SCHIP1: variants seen among roughly 807,000 people sequenced by gnomAD.
SCHIP1 encodes schwannomin interacting protein 1.
A neutral mutation model predicts 29.7 loss-of-function variants in SCHIP1; 8 were observed. The ratio of observed to expected loss-of-function variants is 0.27; its 90% confidence interval spans 0.16 to 0.49. The LOEUF (loss-of-function observed/expected upper bound fraction) is 0.49. Ranked by LOEUF, SCHIP1 falls within the 20% of genes least tolerant of loss-of-function variation. The pLI, the probability that SCHIP1 is intolerant of heterozygous loss-of-function variation, is 0.99. For synonymous variants in SCHIP1, 76 were observed against 94.9 expected (o/e 0.80, Z 1.16); for missense variants, 193 against 294.6 (o/e 0.66, Z 2.52).
At chr3:159,369,173 GTT>G in the SCHIP1 span, among the ~76,000 whole-genome samples, 4 of 152,088 alleles carry the variant, frequency 2.6e-5, no homozygotes, top group African/African-American at 9.7e-5. Context: ...ACAATTTTCA[GTT>G]TTTTAGTCCA....
At chr3:159,713,450 C>T in the SCHIP1 span, among the ~76,000 whole-genome samples, 1 of 152,084 alleles carries the variant, frequency 6.6e-6, no homozygotes, top group Non-Finnish European at 1.5e-5. Flanking sequence ...CTATAGTGTG[C>T]TATATTCAAA....
chr3:159,432,337 T>TGAGAGA, the SCHIP1 span, among the ~76,000 whole-genome samples: 2 of 70,610 alleles, frequency 2.8e-5, no homozygotes, highest in Admixed American at 3.0e-4. Flanking sequence ...TGTGTGTGTG[T>TGAGAGA]GTGAGAGAGA....
At chr3:159,561,174 T>A in the SCHIP1 span, among the ~76,000 whole-genome samples, 1 of 152,234 alleles carries the variant, frequency 6.6e-6, no homozygotes, top group Non-Finnish European at 1.5e-5. Flanking sequence ...AGGGTCATTA[T>A]TTTTATGATT....
At chr3:159,858,728 G>A (rs959813670) in intron 1 of SCHIP1, among the ~76,000 whole-genome samples, 2 of 152,276 alleles carry the variant, frequency 1.3e-5, no homozygotes, top group South Asian at 2.1e-4. Flanking sequence ...AAGACACAGG[G>A]CCCCAGAGTC....
chr3:159,474,874 T>G, the SCHIP1 span, among the ~76,000 whole-genome samples: 1 of 152,158 alleles, frequency 6.6e-6, no homozygotes, highest in Non-Finnish European at 1.5e-5. Flanking sequence ...CTTTAAAAAG[T>G]AAGCTTTGAC....
chr3:159,688,777 A>C, the SCHIP1 span, among the ~76,000 whole-genome samples: 1 of 152,158 alleles, frequency 6.6e-6, no homozygotes, highest in Non-Finnish European at 1.5e-5. Flanking sequence ...TTTTTGTATA[A>C]AGCGTAAGGA....
rs114732809 is a variant in SCHIP1 at position 159,848,574 on chromosome 3, A to G, written c.30+8360A>G. Among the ~76,000 whole-genome samples, 961 of 152,266 alleles carry G rather than the reference A, an allele frequency of 6.3e-3. 14 individuals carry two copies. The highest frequency in any genetic ancestry group is 0.022 in the African/African-American group (918 of 41,556). On this transcript the variant is annotated intron_variant, in intron 1 of 6. Coordinates refer to ENST00000445224, the Ensembl canonical transcript of SCHIP1. ...ACCCTGCCTGGAAATGTGGTTTGAA[A>G]TAGAGGGATAATGGCTGATAATGAT...
the SCHIP1 span, among the ~76,000 whole-genome samples, chr3:159,763,518 G>C: frequency 6.6e-6 from 1 of 152,158 alleles, no homozygotes; most frequent in Non-Finnish European, 1.5e-5. Context: ...CTAACGCCCA[G>C]TGCCCCCTTC....
At chr3:159,330,120 A>T in the SCHIP1 span, among the ~76,000 whole-genome samples, 2 of 152,236 alleles carry the variant, frequency 1.3e-5, no homozygotes, top group Admixed American at 6.5e-5. Context: ...GACTATTGTG[A>T]TATGTGGAAG....
chr3:159,440,035 G>C, the SCHIP1 span, among the ~76,000 whole-genome samples: 2 of 151,986 alleles, frequency 1.3e-5, no homozygotes, highest in African/African-American at 2.4e-5. Flanking sequence ...TATACTTTTG[G>C]GTTTTACATT....
chr3:159,399,294 C>T, the SCHIP1 span, among the ~76,000 whole-genome samples: 8 of 152,248 alleles, frequency 5.3e-5, no homozygotes, highest in Non-Finnish European at 1.2e-4. Context: ...GCTCTACTTA[C>T]TCTTTATTTC....
At chr3:159,719,585 G>T in the SCHIP1 span, among the ~76,000 whole-genome samples, 1 of 152,178 alleles carries the variant, frequency 6.6e-6, no homozygotes, top group African/African-American at 2.4e-5. Context: ...GATATGAACA[G>T]ACATTTCTCA....
the SCHIP1 span, among the ~76,000 whole-genome samples, chr3:159,606,752 G>C: frequency 3.3e-5 from 5 of 152,284 alleles, no homozygotes; most frequent in East Asian, 9.7e-4. Context: ...GTTATCTGCA[G>C]AAAACACTAC....
chr3:159,604,693 T>C, the SCHIP1 span, among the ~76,000 whole-genome samples: 1 of 152,220 alleles, frequency 6.6e-6, no homozygotes. Flanking sequence ...TTTCAATATC[T>C]AAACACAATT....
chr3:159,493,355 C>G, the SCHIP1 span, among the ~76,000 whole-genome samples: 1 of 152,140 alleles, frequency 6.6e-6, no homozygotes, highest in Non-Finnish European at 1.5e-5. Flanking sequence ...TTCAGGAAAC[C>G]CATCTCACAT....
chr3:159,762,264 A>G, the SCHIP1 span, among the ~76,000 whole-genome samples: 1 of 152,228 alleles, frequency 6.6e-6, no homozygotes, highest in Non-Finnish European at 1.5e-5. Context: ...CCAGACCGGA[A>G]GGCCCCTTTT....
chr3:159,324,258 T>A, the SCHIP1 span, among the ~76,000 whole-genome samples: 2 of 152,118 alleles, frequency 1.3e-5, no homozygotes, highest in Non-Finnish European at 2.9e-5. Context: ...AAAATATTTA[T>A]TTTAGAAATA....
chr3:159,665,482 C>G, the SCHIP1 span, among the ~76,000 whole-genome samples: 1 of 152,094 alleles, frequency 6.6e-6, no homozygotes, highest in South Asian at 2.1e-4. Flanking sequence ...GTTCCCATTT[C>G]ACACGGGTCA....
At chr3:159,629,830 C>T in the SCHIP1 span, among the ~76,000 whole-genome samples, 2 of 152,180 alleles carry the variant, frequency 1.3e-5, no homozygotes, top group Admixed American at 1.3e-4. Context: ...CCTTGACAGG[C>T]ACTGAGAATA....
Sources: gnomAD v4.1 joint callset for allele counts (sites outside exome capture counted in the v4.1 genomes callset) on GRCh38, gnomAD v4.1.1 for gene constraint, MANE v1.5 for transcripts, NCBI Gene and HGNC (gene_info 2026-07-23, HGNC 2026-07-21) for gene names.